Variants in FNBP1L observed in about 807,000 individuals in gnomAD.
FNBP1L encodes formin binding protein 1 like.
Under a neutral mutation model 91.2 loss-of-function variants are expected in FNBP1L, and 36 were observed. That is an observed-to-expected ratio of 0.39 (90% CI 0.30 to 0.52). The LOEUF (loss-of-function observed/expected upper bound fraction) is 0.52. FNBP1L is among the 20% of genes least tolerant of loss of function. The pLI is 0.66. For synonymous variants in FNBP1L, 242 were observed against 237.0 expected (o/e 1.02, Z -0.19); for missense variants, 571 against 732.1 (o/e 0.78, Z 2.54).
chr1:93,452,381 A>G (rs1403214338), intron 1 of FNBP1L, among the ~76,000 whole-genome samples: 2 of 152,236 alleles, frequency 1.3e-5, no homozygotes, highest in African/African-American at 2.4e-5. Context: ...TTATAAAGTT[A>G]AGTTTTACTA....
intron 10 of FNBP1L, among the ~76,000 whole-genome samples, chr1:93,540,626 T>A (rs987599235): frequency 6.6e-6 from 1 of 152,134 alleles, no homozygotes; most frequent in Non-Finnish European, 1.5e-5. Context: ...GAACATTCTA[T>A]TTTTTAATAT....
At chr1:93,476,823 C>G (rs893459446) in intron 1 of FNBP1L, among the ~76,000 whole-genome samples, 1 of 152,120 alleles carries the variant, frequency 6.6e-6, no homozygotes, top group African/African-American at 2.4e-5. Context: ...GCAAAACAGA[C>G]ACAGAGAAAG....
rs974915901 is a variant in FNBP1L, at chr1:93,547,417, A to G, written c.1478A>G (p.His493Arg). ...AGAAGACATAGCAGTGACATAAATCATCTTGTAACACAGGGACGAGAAAGG... is the reference window on the plus strand; with the variant it reads ...AGAAGACATAGCAGTGACATAAATCGTCTTGTAACACAGGGACGAGAAAGG... ...GDRRHSSDIN[H>R]LVTQGRESPE... The change falls in exon 14 of 17, where the codon CAT (histidine) becomes CGT (arginine). Residue 493 changes from histidine to arginine, a missense_variant. His to Arg is a conservative substitution (Grantham distance 29). This residue lies in a region of FNBP1L where 189 missense variants were observed against 219.7 expected (regional missense o/e 0.86). Transcript: ENST00000271234. The G allele has an allele frequency of 4.5e-6, 7 of 1,557,680 alleles. No individual in the cohort carries two copies. The highest frequency in any genetic ancestry group is 6.1e-6 in the Non-Finnish European group (7 of 1,150,002).
chr1:93,520,872 T>A (rs757325446), intron 2 of FNBP1L, among the ~76,000 whole-genome samples: 2 of 152,080 alleles, frequency 1.3e-5, no homozygotes, highest in Non-Finnish European at 2.9e-5. Context: ...TGAAACCCTA[T>A]CTCTACTAAA....
At chr1:93,450,823 C>T (rs887370046) in intron 1 of FNBP1L, among the ~76,000 whole-genome samples, 2 of 152,114 alleles carry the variant, frequency 1.3e-5, no homozygotes, top group Admixed American at 1.3e-4. Context: ...TTGTAACAAT[C>T]ATTGGAATTT....
rs201099101 is a variant in FNBP1L at position 93,510,398 on chromosome 1, C to T, written c.140+10815C>T. On this transcript the variant is annotated intron_variant, in intron 2 of 16. Coordinates refer to ENST00000271234, the MANE Select transcript of FNBP1L (RefSeq NM_001164473.3). ...TCCAACAGACCTGCAGCTGAGGGTC[C>T]TGTCTGTTAGAAGGAAAACTAACAA... Among the ~76,000 whole-genome samples the T allele has an allele frequency of 6.8e-4, 103 of 152,294 alleles. 1 individual carries two copies. The East Asian group carries it at 0.019, about 28-fold the overall frequency.
intron 11 of FNBP1L, 63 bp from the exon 12 acceptor site, chr1:93,544,044 G>T: frequency 3.4e-6 from 4 of 1,177,268 alleles, no homozygotes; most frequent in Non-Finnish European, 3.5e-6. Context: ...TTTATAGCAG[G>T]TATATTTTAA....
intron 8 of FNBP1L, 57 bp from the exon 9 acceptor site, chr1:93,534,648 C>T: frequency 8.6e-7 from 1 of 1,161,420 alleles, no homozygotes; most frequent in Non-Finnish European, 1.2e-6. Context: ...GTTATGAAAG[C>T]TGATGTAGAA....
rs959566002 is a variant in FNBP1L, at chr1:93,454,967, C to T, written c.24+6662C>T. 5.3e-5 allele frequency among the ~76,000 whole-genome samples: 8 copies of T among 152,220 alleles called. No individual in the cohort carries two copies. In the East Asian group the frequency reaches 9.6e-4, roughly 18 times the overall value. On this transcript the variant is annotated intron_variant, in intron 1 of 16. Coordinates refer to ENST00000271234, the MANE Select transcript of FNBP1L (RefSeq NM_001164473.3). ...TTTTTGAGACGGAGTCTCGCTCTGTCGCCCAGGCTGGAGTGCAGTGGTGTG... is the reference window on the plus strand; with the variant it reads ...TTTTTGAGACGGAGTCTCGCTCTGTTGCCCAGGCTGGAGTGCAGTGGTGTG...
At chr1:93,503,322 G>A (rs1041535304) in intron 2 of FNBP1L, among the ~76,000 whole-genome samples, 18 of 152,044 alleles carry the variant, frequency 1.2e-4, no homozygotes, top group African/African-American at 1.9e-4. Context: ...GGGGGAAACC[G>A]CCCCCATGAT....
intron 2 of FNBP1L, among the ~76,000 whole-genome samples, chr1:93,509,730 G>C (rs1405489673): frequency 5.9e-5 from 9 of 152,232 alleles, no homozygotes; most frequent in African/African-American, 2.2e-4. Flanking sequence ...GTGCCAGACA[G>C]TGGGCGCAGG....
intron 7 of FNBP1L, among the ~76,000 whole-genome samples, chr1:93,532,204 C>CA (rs141424095): frequency 0.062 from 9,394 of 152,134 alleles, 423 homozygotes; most frequent in Non-Finnish European, 0.094. Context: ...GGCAGTGGCT[C>CA]ACGCCTGTAA....
chr1:93,471,505 A>C (rs1669285229), intron 1 of FNBP1L, among the ~76,000 whole-genome samples: 1 of 152,166 alleles, frequency 6.6e-6, no homozygotes, highest in African/African-American at 2.4e-5. Flanking sequence ...TAGCCTAGGC[A>C]ACATTGCAAG....
At chr1:93,472,551 G>T (rs1442350609) in intron 1 of FNBP1L, among the ~76,000 whole-genome samples, 1 of 151,840 alleles carries the variant, frequency 6.6e-6, no homozygotes, top group Non-Finnish European at 1.5e-5. Context: ...GGTGGCTTAT[G>T]CCTGTAATCC....
At chr1:93,545,098 A>G (rs1039773801) in intron 12 of FNBP1L, among the ~76,000 whole-genome samples, 1 of 152,070 alleles carries the variant, frequency 6.6e-6, no homozygotes, top group Non-Finnish European at 1.5e-5. Context: ...ATTTTTTTCT[A>G]ATAGCACTGT....
intron 6 of FNBP1L, among the ~76,000 whole-genome samples, chr1:93,530,401 A>G (rs1671634333): frequency 6.6e-6 from 1 of 152,138 alleles, no homozygotes; most frequent in African/African-American, 2.4e-5. Context: ...TCTTCTGATT[A>G]AAAGCACACT....
chr1:93,551,156 C>A, intron 16 of FNBP1L, 51 bp downstream of exon 16: 1 of 1,480,248 alleles, frequency 6.8e-7, no homozygotes, highest in South Asian at 1.5e-5. Context: ...CCATGTGTGA[C>A]ATAGGAAGAG....
rs577865706 is a variant in FNBP1L, at chr1:93,464,281, A to G, written c.24+15976A>G. ...AAGATTTACTGAGTAGCTACAGTACATACGGATCTTCTCCTTGTAATTGTA... is the reference window on the plus strand; with the variant it reads ...AAGATTTACTGAGTAGCTACAGTACGTACGGATCTTCTCCTTGTAATTGTA... On this transcript the variant is annotated intron_variant, in intron 1 of 16. Transcript: ENST00000271234. 1.6e-4 allele frequency among the ~76,000 whole-genome samples: 25 copies of G among 152,332 alleles called. No homozygotes were observed. The South Asian group carries it at 2.1e-3, about 13-fold the overall frequency.
At chr1:93,472,468 G>A (rs1320243699) in intron 1 of FNBP1L, among the ~76,000 whole-genome samples, 2 of 151,698 alleles carry the variant, frequency 1.3e-5, no homozygotes, top group African/African-American at 4.8e-5. Flanking sequence ...ACCTTTTATT[G>A]AATTTTGTTG....
Sources: allele counts gnomAD v4.1 joint callset (sites outside exome capture counted in the v4.1 genomes callset), GRCh38; gene constraint gnomAD v4.1.1; regional missense constraint gnomAD v4.1.1; transcripts MANE v1.5; gene names NCBI Gene and HGNC (gene_info 2026-07-23, HGNC 2026-07-21).